The following C1orf21 variants were observed in gnomAD, a reference collection of about 807,000 sequenced individuals.
The protein encoded by C1orf21 is uncharacterized protein C1orf21.
In C1orf21, 3 loss-of-function variants were observed where a neutral mutation model predicts 18.7. That is an observed-to-expected ratio of 0.16 (90% CI 0.07 to 0.42). C1orf21 has a LOEUF of 0.42. Among genes scored for constraint, C1orf21 ranks in the 10% least tolerant of loss-of-function variants. The probability of loss-of-function intolerance (pLI) is 0.99; values close to 1 mark genes in which losing one functional copy is unlikely to be tolerated. For synonymous variants in C1orf21, 41 were observed against 46.4 expected (o/e 0.88, Z 0.47); for missense variants, 104 against 143.6 (o/e 0.72, Z 1.41).
chr1:184,591,572 C>A (rs1659436731), intron 4 of C1orf21, among the ~76,000 whole-genome samples: 1 of 151,990 alleles, frequency 6.6e-6, no homozygotes, highest in Non-Finnish European at 1.5e-5. Flanking sequence ...TTTGGGAGGC[C>A]AAGGCGGGAG....
At chr1:184,523,441 T>C (rs1164905578) in intron 3 of C1orf21, among the ~76,000 whole-genome samples, 5 of 152,094 alleles carry the variant, frequency 3.3e-5, no homozygotes, top group Non-Finnish European at 7.4e-5. Flanking sequence ...TGACTGGTAC[T>C]CCTGAAAACT....
Position 184,424,504 on chromosome 1 carries a change from A to G in C1orf21, c.-125+37136A>G, listed in dbSNP as rs527833628. On this transcript the variant is annotated intron_variant, in intron 1 of 5. Coordinates refer to ENST00000235307, the MANE Select transcript of C1orf21 (RefSeq NM_030806.4). ...TTCCCAAACGTTCTGTAAATTTTCA[A>G]TATCTCTCAAAATTGTGGAACCAGA... Among the ~76,000 whole-genome samples, 7 of 152,308 alleles carry G rather than the reference A, an allele frequency of 4.6e-5. No homozygotes were observed. In the East Asian group the frequency reaches 1.2e-3, roughly 25 times the overall value.
chr1:184,495,917 C>CAAAAAAA (rs764285547), intron 2 of C1orf21, among the ~76,000 whole-genome samples: 1 of 50,894 alleles, frequency 2.0e-5, no homozygotes, highest in Non-Finnish European at 4.2e-5. Context: ...GACTCTGTCT[C>CAAAAAAA]AAAAAAAAAA....
At chr1:184,571,111 G>A (rs1055868123) in intron 3 of C1orf21, among the ~76,000 whole-genome samples, 1 of 152,002 alleles carries the variant, frequency 6.6e-6, no homozygotes, top group Non-Finnish European at 1.5e-5. Context: ...GGCTAAAACG[G>A]TGAAACCCCG....
In C1orf21 at chr1:184,505,334, TATATATAC is replaced by T. The variant is rs1345697839; in HGVS notation, c.95-2252_95-2245del. ...ATATATATATATATATATATATATA[TATATATAC>T]ACACATGCCATATATATATAGACAT... On this transcript the variant is annotated intron_variant, in intron 2 of 5. Coordinates refer to ENST00000235307, the MANE Select transcript of C1orf21 (RefSeq NM_030806.4). Among the ~76,000 whole-genome samples the T allele has an allele frequency of 3.4e-3, 458 of 135,436 alleles. 13 individuals are homozygous for T. Among genetic ancestry groups the T allele is most frequent in the South Asian group, 0.011 (47 of 4,420 alleles). 88.9% of individuals were successfully genotyped at this position (135,436 alleles called of 152,430 possible).
intron 3 of C1orf21, among the ~76,000 whole-genome samples, chr1:184,525,399 C>T (rs1431518264): frequency 6.6e-6 from 1 of 151,832 alleles, no homozygotes; most frequent in Non-Finnish European, 1.5e-5. Context: ...CTTTGGTGAC[C>T]TCTTTCCTTT....
intron 5 of C1orf21, among the ~76,000 whole-genome samples, chr1:184,613,187 T>A (rs1659765833): frequency 6.6e-6 from 1 of 152,192 alleles, no homozygotes; most frequent in African/African-American, 2.4e-5. Context: ...TGACCTCAAG[T>A]GATCCACCCA....
intron 3 of C1orf21, chr1:184,567,548 G>A (rs768301355): frequency 9.8e-6 from 5 of 509,010 alleles, no homozygotes; most frequent in African/African-American, 1.9e-5. Flanking sequence ...CTGTGGAACC[G>A]GTGTGATCAG....
chr1:184,467,987 GGTGTGT>G (rs71782493), intron 1 of C1orf21, among the ~76,000 whole-genome samples: 1 of 148,926 alleles, frequency 6.7e-6, no homozygotes, highest in African/African-American at 2.5e-5. Context: ...GAGCTTTTAT[GGTGTGT>G]GTGTGTGTGT....
At chr1:184,437,796 G>T (rs972932809) in intron 1 of C1orf21, among the ~76,000 whole-genome samples, 2 of 151,798 alleles carry the variant, frequency 1.3e-5, no homozygotes, top group African/African-American at 4.8e-5. Flanking sequence ...CCATAATTTA[G>T]AATCAGTGGG....
Position 184,410,617 on chromosome 1 carries a change from T to TTTTA in C1orf21, c.-125+23250_-125+23251insTTAT, listed in dbSNP as rs1553247966. On this transcript the variant is annotated intron_variant, in intron 1 of 5. Coordinates refer to ENST00000235307, the MANE Select transcript of C1orf21 (RefSeq NM_030806.4). ...GTGAAAGATTAATTTGCCATATATA[T>TTTTA]TATATATATATATATATATATATAT... Among the ~76,000 whole-genome samples the TTTTA allele has an allele frequency of 1.7e-3, 37 of 21,162 alleles. 1 individual carries two copies. Among genetic ancestry groups the TTTTA allele is most frequent in the Non-Finnish European group, 2.4e-3 (35 of 14,556 alleles). 13.9% of individuals were successfully genotyped at this position (21,162 alleles called of 152,430 possible).
In C1orf21 at chr1:184,403,696, G is replaced by A; in HGVS notation, c.-125+16328G>A. Among the ~76,000 whole-genome samples, 2 of 152,186 alleles carry A rather than the reference G, an allele frequency of 1.3e-5. 1 individual carries two copies. Among genetic ancestry groups the A allele is most frequent in the South Asian group, 4.1e-4 (2 of 4,824 alleles). ...CCGAAACTCAGATAATTAAATTTATGCTTGAGAAAAACTTCTTTCTCAAGT... is the reference window on the plus strand; with the variant it reads ...CCGAAACTCAGATAATTAAATTTATACTTGAGAAAAACTTCTTTCTCAAGT... On this transcript the variant is annotated intron_variant, in intron 1 of 5. Transcript: ENST00000235307.
intron 3 of C1orf21, among the ~76,000 whole-genome samples, chr1:184,557,150 C>A (rs538398622): frequency 1.5e-4 from 23 of 152,268 alleles, no homozygotes; most frequent in African/African-American, 5.1e-4. Flanking sequence ...AGCCTCCTGA[C>A]GCTCATTAAT....
chr1:184,390,704 C>CTT (rs200285687), intron 1 of C1orf21, among the ~76,000 whole-genome samples: 1 of 151,390 alleles, frequency 6.6e-6, no homozygotes, highest in African/African-American at 2.4e-5. Flanking sequence ...CTCAGATGAC[C>CTT]TTTTTTTTTC....
At chr1:184,614,072 C>T (rs1659780596) in intron 5 of C1orf21, among the ~76,000 whole-genome samples, 2 of 152,128 alleles carry the variant, frequency 1.3e-5, no homozygotes, top group African/African-American at 4.8e-5. Flanking sequence ...AGCACCGAGG[C>T]CCTTTGGTAC....
At chr1:184,429,319 C>T (rs931206354) in intron 1 of C1orf21, among the ~76,000 whole-genome samples, 1 of 152,194 alleles carries the variant, frequency 6.6e-6, no homozygotes, top group African/African-American at 2.4e-5. Context: ...ATGACACCCT[C>T]CTTACCCCCA....
At chr1:184,575,279 A>AT (rs928632702) in intron 3 of C1orf21, among the ~76,000 whole-genome samples, 6 of 152,194 alleles carry the variant, frequency 3.9e-5, no homozygotes, top group Non-Finnish European at 7.3e-5. Context: ...GCCAGATTTG[A>AT]TTATTGACTG....
intron 3 of C1orf21, among the ~76,000 whole-genome samples, chr1:184,519,498 A>AT (rs368880706): frequency 6.6e-5 from 10 of 152,304 alleles, no homozygotes; most frequent in African/African-American, 2.4e-4. Flanking sequence ...AAACATGAGC[A>AT]TTTTTTATAT....
chr1:184,460,620 G>GTCGTCGTCTTCTTCTTCTTCTTCTTCT (rs1284129710), intron 1 of C1orf21, among the ~76,000 whole-genome samples: 6 of 112,090 alleles, frequency 5.4e-5, no homozygotes, highest in African/African-American at 2.4e-4. Context: ...TGTCGTCGTC[G>GTCGTCGTCTTCTTCTTCTTCTTCTTCT]TCTTCTTCTT....
Sources: allele counts gnomAD v4.1 joint callset (sites outside exome capture counted in the v4.1 genomes callset), GRCh38; gene constraint gnomAD v4.1.1; transcripts MANE v1.5; gene names NCBI Gene and HGNC (gene_info 2026-07-23, HGNC 2026-07-21).